Variants in DNM3 observed in about 807,000 individuals in gnomAD.
The protein encoded by DNM3 is dynamin-3.
Under a neutral mutation model 101.6 loss-of-function variants are expected in DNM3, and 47 were observed. That is an observed-to-expected ratio of 0.46 (90% CI 0.37 to 0.59). DNM3 has a LOEUF of 0.59. DNM3 is among the 20% of genes least tolerant of loss of function. The pLI is 0.00. For synonymous variants in DNM3, 385 were observed against 387.9 expected (o/e 0.99, Z 0.09); for missense variants, 849 against 1,085.7 (o/e 0.78, Z 3.06).
chr1:172,415,527 T>TTTG (rs2071396384), downstream of DNM3, among the ~76,000 whole-genome samples: 1 of 105,486 alleles, frequency 9.5e-6, no homozygotes, highest in Non-Finnish European at 2.1e-5. Flanking sequence ...TTTGTGAGTT[T>TTTG]TTTTTTTTTT....
chr1:172,020,457 A>G (rs2047755552), intron 4 of DNM3, among the ~76,000 whole-genome samples: 1 of 152,120 alleles, frequency 6.6e-6, no homozygotes, highest in Admixed American at 6.5e-5. Flanking sequence ...GCGGTGGCTC[A>G]CGCCTGTAAT....
At chr1:172,298,867 G>A (rs2064292941) in intron 15 of DNM3, among the ~76,000 whole-genome samples, 2 of 145,986 alleles carry the variant, frequency 1.4e-5, no homozygotes, top group African/African-American at 2.5e-5. Context: ...GAAAGAGAGA[G>A]AGAGAGAGAA....
chr1:172,308,764 A>C lies in DNM3; in HGVS notation c.1806A>C (p.Ala602=). The change falls in exon 16 of 21, where the codon GCA becomes GCC. Residue 602 remains alanine (A), a synonymous_variant. Transcript: ENST00000627582. ...VYKDYRFLEL[A]CDSQEDVDSW... ...AAGACTATCGCTTCCTTGAGCTGGC[A>C]TGTGATTCCCAGGAGGATGTCGACA... is the stretch of plus-strand genomic sequence containing the variant. 3.1e-6 allele frequency: 5 copies of C among 1,608,396 alleles called. No individual in the cohort carries two copies. Among genetic ancestry groups the C allele is most frequent in the Non-Finnish European group, 4.2e-6 (5 of 1,177,768 alleles).
At chr1:172,362,594 T>C (rs2067798330) in intron 17 of DNM3, among the ~76,000 whole-genome samples, 1 of 151,976 alleles carries the variant, frequency 6.6e-6, no homozygotes, top group African/African-American at 2.4e-5. Flanking sequence ...AAACTTCATA[T>C]ATACACATGT....
intron 13 of DNM3, among the ~76,000 whole-genome samples, chr1:172,112,798 T>C (rs969026791): frequency 6.6e-6 from 1 of 152,100 alleles, no homozygotes. Flanking sequence ...TGTTCAAAGA[T>C]AAAAGAGGAA....
Position 172,387,230 on chromosome 1 carries a change from G to A in DNM3, c.2156G>A (p.Arg719Gln), listed in dbSNP as rs766579591. 6.2e-6 allele frequency: 10 copies of A among 1,613,810 alleles called. No individual in the cohort carries two copies. Among genetic ancestry groups the A allele is most frequent in the Admixed American group, 3.3e-5 (2 of 59,986 alleles). The change falls in exon 19 of 21, where the codon CGG becomes CAG. Residue 719 changes from arginine to glutamine, a missense_variant. By Grantham distance (43) the Arg-to-Gln change is conservative (BLOSUM62 1). Around this residue, in one of 5 missense-constraint regions of DNM3, gnomAD observed 256 missense variants for 311.7 expected, o/e 0.82. Coordinates refer to ENST00000627582, the MANE Select transcript of DNM3 (RefSeq NM_015569.5). ...MEESAEQAQR[R>Q]DEMLRMYQAL... is the part of the protein sequence containing the mutation. The stretch of plus-strand genomic sequence containing the variant: ...GAATCTGCTGAGCAGGCTCAGCGCC[G>A]GGATGAGATGCTTCGAATGTATCAA...
chr1:171,850,603 C>G (rs920996588), intron 1 of DNM3, among the ~76,000 whole-genome samples: 11 of 152,176 alleles, frequency 7.2e-5, no homozygotes, highest in African/African-American at 2.4e-4. Flanking sequence ...GCATTCTCAT[C>G]TAAATACCGA....
intron 2 of DNM3, among the ~76,000 whole-genome samples, chr1:171,938,029 GAGT>G (rs2041562901): frequency 8.5e-6 from 1 of 118,218 alleles, no homozygotes; most frequent in African/African-American, 3.7e-5. Flanking sequence ...CCTTTTAATA[GAGT>G]TTTTTTTTTT....
chr1:171,914,892 G>T (rs554014261), intron 1 of DNM3, among the ~76,000 whole-genome samples: 1 of 152,268 alleles, frequency 6.6e-6, no homozygotes, highest in Non-Finnish European at 1.5e-5. Context: ...AGACAAGTGT[G>T]TGTTGAGAGC....
At chr1:172,237,785 A>G (rs1034369817) in intron 14 of DNM3, among the ~76,000 whole-genome samples, 1 of 152,208 alleles carries the variant, frequency 6.6e-6, no homozygotes, top group Non-Finnish European at 1.5e-5. Context: ...AAGTAGAACC[A>G]TATTACTGAG....
At chr1:172,125,060 C>T (rs374143047) in intron 13 of DNM3, among the ~76,000 whole-genome samples, 2 of 152,138 alleles carry the variant, frequency 1.3e-5, no homozygotes, top group Non-Finnish European at 2.9e-5. Flanking sequence ...CCATGCAGCT[C>T]CCCAGCATTT....
At chr1:172,070,858 C>A (rs527514249) in intron 11 of DNM3, among the ~76,000 whole-genome samples, 25 of 151,790 alleles carry the variant, frequency 1.6e-4, no homozygotes, top group African/African-American at 6.0e-4. Flanking sequence ...GAGGCTGAGG[C>A]AGGCAGATTG....
intron 1 of DNM3, among the ~76,000 whole-genome samples, chr1:171,844,008 T>A (rs1246622918): frequency 6.6e-6 from 1 of 152,200 alleles, no homozygotes; most frequent in Non-Finnish European, 1.5e-5. Context: ...CTTAATTATA[T>A]GTAGAGATAA....
intron 1 of DNM3, among the ~76,000 whole-genome samples, chr1:171,858,135 C>T (rs1488246164): frequency 2.0e-5 from 3 of 152,126 alleles, no homozygotes; most frequent in African/African-American, 7.2e-5. Context: ...AATAAAAGTA[C>T]TTAACTTGTA....
chr1:172,038,998 C>G (rs1282168665), intron 7 of DNM3, among the ~76,000 whole-genome samples: 2 of 151,176 alleles, frequency 1.3e-5, no homozygotes, highest in East Asian at 3.9e-4. Flanking sequence ...AAATGTGAAA[C>G]TGCCAAGCAT....
intron 1 of DNM3, among the ~76,000 whole-genome samples, chr1:171,894,465 C>G (rs2037590373): frequency 6.6e-6 from 1 of 151,836 alleles, no homozygotes; most frequent in Non-Finnish European, 1.5e-5. Flanking sequence ...AGTGCAGTGG[C>G]ATGATCTCGG....
chr1:172,211,204 G>A (rs1049539299), intron 14 of DNM3, among the ~76,000 whole-genome samples: 13 of 151,972 alleles, frequency 8.6e-5, no homozygotes, highest in Non-Finnish European at 1.9e-4. Context: ...AACTAATTAA[G>A]GCTTCAGAAA....
chr1:172,351,571 T>C (rs2067203936), intron 17 of DNM3, among the ~76,000 whole-genome samples: 1 of 152,182 alleles, frequency 6.6e-6, no homozygotes, highest in Non-Finnish European at 1.5e-5. Flanking sequence ...TGAAACTTGA[T>C]ATATCAGGTC....
chr1:172,279,428 T>C (rs895226474), intron 15 of DNM3, among the ~76,000 whole-genome samples: 1 of 152,148 alleles, frequency 6.6e-6, no homozygotes, highest in African/African-American at 2.4e-5. Context: ...GTCAATATCA[T>C]CAATCTTGAT....
Sources: allele counts gnomAD v4.1 joint callset (sites outside exome capture counted in the v4.1 genomes callset), GRCh38; gene constraint gnomAD v4.1.1; regional missense constraint gnomAD v4.1.1; transcripts MANE v1.5; gene names NCBI Gene and HGNC (gene_info 2026-07-23, HGNC 2026-07-21).